The following UBE2N variants were observed in gnomAD, a reference collection of about 807,000 sequenced individuals.
UBE2N encodes the protein ubiquitin conjugating enzyme E2 N, also known as ubiquitin-conjugating enzyme E2 N.
For missense variants in UBE2N, 60 were observed against 192.1 expected (o/e 0.31, Z 4.07); for synonymous variants, 70 against 69.2 (o/e 1.01, Z -0.06).
rs1052215616 is a variant in UBE2N at position 93,429,237 on chromosome 12, T to G, written c.30+12618A>C. On this transcript the variant is annotated intron_variant, in intron 1 of 3. Coordinates refer to ENST00000318066, the MANE Select transcript of UBE2N (RefSeq NM_003348.4). ...GTGAGCCAAGATCACACCATTGCAC[T>G]CCAGCCTGGGCGACAGAGGGAGACT... 7 of 374,816 alleles carry G rather than the reference T, an allele frequency of 1.9e-5. No individual in the cohort carries two copies. The Admixed American group carries it at 2.2e-4, about 12-fold the overall frequency. The allele number at this position is 374,816 out of a possible 1,614,324, so 23.2% of individuals were successfully genotyped here. A position where few individuals can be genotyped will look rare whatever the true frequency, so the allele number is the denominator to read the frequency against.
chr12:93,411,020 A>G (rs1565791378), intron 2 of UBE2N, 33 bp downstream of exon 2: 1 of 1,613,700 alleles, frequency 6.2e-7, no homozygotes, highest in South Asian at 1.1e-5. Flanking sequence ...AGAAAGCTTA[A>G]TAATAGCATA....
chr12:93,421,812 G>A (rs1035762336), intron 1 of UBE2N, among the ~76,000 whole-genome samples: 41 of 152,074 alleles, frequency 2.7e-4, no homozygotes, highest in Admixed American at 2.6e-3. Flanking sequence ...AAAATGTTTC[G>A]TGACTTTGAA....
chr12:93,407,384 C>T lies in UBE2N; in HGVS notation c.*2655G>A, dbSNP rs1337509019. On this transcript the variant is annotated 3_prime_UTR_variant, in exon 4 of 4. Coordinates refer to ENST00000318066, the MANE Select transcript of UBE2N (RefSeq NM_003348.4). The stretch of plus-strand genomic sequence containing the variant: ...CCATGCCATTCACTCACCACCTAAT[C>T]ATCCCCAACAACTAGTGGGCAAACA... 1 of 152,256 alleles carries T rather than the reference C, an allele frequency of 6.6e-6. No individual in the cohort carries two copies. Among genetic ancestry groups the T allele is most frequent in the African/African-American group, 2.4e-5 (1 of 41,452 alleles). 9.4% of individuals were successfully genotyped at this position (152,256 alleles called of 1,614,324 possible). A position where few individuals can be genotyped will look rare whatever the true frequency, so the allele number is the denominator to read the frequency against.
chr12:93,414,054 G>A (rs545485148), intron 1 of UBE2N, among the ~76,000 whole-genome samples: 10 of 151,704 alleles, frequency 6.6e-5, no homozygotes, highest in Non-Finnish European at 1.0e-4. Flanking sequence ...CCAGCTACTC[G>A]GGAGGCTGAG....
intron 1 of UBE2N, among the ~76,000 whole-genome samples, chr12:93,430,820 T>A (rs1044609294): frequency 4.9e-4 from 73 of 148,246 alleles, no homozygotes; most frequent in East Asian, 2.5e-3. Context: ...ATATAAAAAA[T>A]TTTTTTAAAT....
chr12:93,421,289 C>G (rs527946808), intron 1 of UBE2N, among the ~76,000 whole-genome samples: 1 of 152,018 alleles, frequency 6.6e-6, no homozygotes, highest in African/African-American at 2.4e-5. Flanking sequence ...GCAAGCTCCA[C>G]CTCCCGGGTT....
At chr12:93,419,711 A>G (rs984509607) in intron 1 of UBE2N, among the ~76,000 whole-genome samples, 1 of 152,248 alleles carries the variant, frequency 6.6e-6, no homozygotes, top group Non-Finnish European at 1.5e-5. Flanking sequence ...AAGTTTGCTA[A>G]GCTTTTTAAA....
At chr12:93,412,767 T>C (rs531475216) in intron 1 of UBE2N, among the ~76,000 whole-genome samples, 3 of 152,288 alleles carry the variant, frequency 2.0e-5, no homozygotes, top group African/African-American at 7.2e-5. Context: ...ACTTGTGGAA[T>C]GCTGAGAAAG....
At chr12:93,420,000 T>C (rs1303959644) in intron 1 of UBE2N, among the ~76,000 whole-genome samples, 1 of 152,176 alleles carries the variant, frequency 6.6e-6, no homozygotes, top group Non-Finnish European at 1.5e-5. Flanking sequence ...TAAAGTCAAA[T>C]GGAGAATAAT....
intron 1 of UBE2N, among the ~76,000 whole-genome samples, chr12:93,439,882 G>T (rs571597764): frequency 3.5e-4 from 1 of 2,898 alleles, no homozygotes; most frequent in East Asian, 0.05. Flanking sequence ...ATATATCACA[G>T]TATGAGTTAC....
At position 93,405,728 on chromosome 12, in the gene UBE2N, AATT is replaced by A. The variant is rs1486107134; in HGVS notation, c.*4308_*4310del. On this transcript the variant is annotated 3_prime_UTR_variant, in exon 4 of 4. Coordinates refer to ENST00000318066, the MANE Select transcript of UBE2N (RefSeq NM_003348.4). ...ATTTTTATTATTTACACTTCTCTCA[AATT>A]ATTACATTCAGCATGTTTTGCTTTT... 8 of 152,168 alleles carry A rather than the reference AATT, an allele frequency of 5.3e-5. No homozygotes were observed. Among genetic ancestry groups the A allele is most frequent in the African/African-American group, 1.7e-4 (7 of 41,428 alleles). 9.4% of individuals were successfully genotyped at this position (152,168 alleles called of 1,614,324 possible).
At chr12:93,432,102 T>A (rs953543192) in intron 1 of UBE2N, among the ~76,000 whole-genome samples, 6 of 151,852 alleles carry the variant, frequency 4.0e-5, no homozygotes, top group African/African-American at 1.5e-4. Context: ...TGTGGTGGCG[T>A]GCACCTGTAA....
At chr12:93,433,889 T>C (rs1213579115) in intron 1 of UBE2N, among the ~76,000 whole-genome samples, 1 of 152,154 alleles carries the variant, frequency 6.6e-6, no homozygotes, top group African/African-American at 2.4e-5. Flanking sequence ...AACTATCCTA[T>C]AAGGTATAGG....
chr12:93,418,241 T>C (rs1432347155), intron 1 of UBE2N, among the ~76,000 whole-genome samples: 1 of 152,164 alleles, frequency 6.6e-6, no homozygotes, highest in African/African-American at 2.4e-5. Context: ...CATATGACTA[T>C]AGTCCTAGCG....
At chr12:93,420,049 C>A (rs984172021) in intron 1 of UBE2N, among the ~76,000 whole-genome samples, 11 of 152,122 alleles carry the variant, frequency 7.2e-5, no homozygotes, top group African/African-American at 2.7e-4. Context: ...CTTTCTTTTC[C>A]CTTCTACTCC....
intron 1 of UBE2N, among the ~76,000 whole-genome samples, chr12:93,432,788 C>T (rs1034096235): frequency 1.3e-5 from 2 of 152,146 alleles, no homozygotes; most frequent in African/African-American, 2.4e-5. Flanking sequence ...AATATGTCAA[C>T]CTTAGATTCT....
chr12:93,422,146 G>A (rs1878433351), intron 1 of UBE2N, among the ~76,000 whole-genome samples: 1 of 151,902 alleles, frequency 6.6e-6, no homozygotes, highest in Non-Finnish European at 1.5e-5. Context: ...GCTAAAGATG[G>A]TGTCAACTAT....
rs189594884 is a variant in UBE2N, at chr12:93,430,257, G to C, written c.30+11598C>G. 1.8e-3 allele frequency among the ~76,000 whole-genome samples: 277 copies of C among 152,280 alleles called. 2 individuals carry two copies. Among genetic ancestry groups the C allele is most frequent in the African/African-American group, 6.5e-3 (270 of 41,558 alleles). ...ACAGGTTTGTAGCCTAGGATCAACA[G>C]ACTATACAACATAGCCTAGGTGTGT... On this transcript the variant is annotated intron_variant, in intron 1 of 3. Transcript: ENST00000318066.
At chr12:93,438,737 G>T (rs748028285) in intron 1 of UBE2N, among the ~76,000 whole-genome samples, 20 of 152,100 alleles carry the variant, frequency 1.3e-4, no homozygotes, top group Non-Finnish European at 1.0e-4. Flanking sequence ...GTGAACAGAG[G>T]TTTGAAAGAC....
Sources: gnomAD v4.1 joint callset for allele counts (sites outside exome capture counted in the v4.1 genomes callset) on GRCh38, gnomAD v4.1.1 for gene constraint, MANE v1.5 for transcripts, NCBI Gene and HGNC (gene_info 2026-07-23, HGNC 2026-07-21) for gene names.